The following GSE1 variants were observed in gnomAD, a reference collection of about 807,000 sequenced individuals.
GSE1 encodes the protein Gse1 coiled-coil protein, also known as genetic suppressor element 1.
GSE1 carries 32 observed loss-of-function variants against 112.6 expected under a neutral mutation model. The ratio of observed to expected loss-of-function variants is 0.28; its 90% CI spans 0.21 to 0.38. The LOEUF is 0.38. Ranked by LOEUF, GSE1 falls within the 10% of genes least tolerant of loss-of-function variation. The probability of loss-of-function intolerance (pLI) is 1.00; values close to 1 mark genes in which losing one functional copy is unlikely to be tolerated. For missense variants in GSE1, 2,348 were observed against 1,699.2 expected (o/e 1.38, Z -6.71); for synonymous variants, 1,115 against 735.6 (o/e 1.52, Z -8.35).
At position 85,311,428 on chromosome 16, in the gene GSE1, C is replaced by T. The variant is rs368640320; in HGVS notation, c.2284-46035C>T. Among the ~76,000 whole-genome samples the T allele has an allele frequency of 4.2e-5, 6 of 143,522 alleles. No individual in the cohort carries two copies. The South Asian group carries it at 1.5e-3, about 36-fold the overall frequency. The allele number at this position is 143,522 out of a possible 152,430, so 94.2% of individuals were successfully genotyped here. A position where few individuals can be genotyped will look rare whatever the true frequency, so the allele number is the denominator to read the frequency against. ...AGCAGCATCGGAGGCAACCTGCCCT[C>T]GTGGCACCACAAGAGAGCTGCTGGG... On this transcript the variant is annotated intron_variant, in intron 1 of 2. Transcript: ENST00000637419. The surrounding 1 kb of genome is among the most constrained non-coding windows in gnomAD (Gnocchi z 4.2).
chr16:85,502,465 G>A (rs114137985), intron 2 of GSE1, among the ~76,000 whole-genome samples: 2,167 of 152,306 alleles, frequency 0.014, 52 homozygotes, highest in African/African-American at 0.05. Context: ...GCAGGGAGCA[G>A]TCTGGTTCCA....
At chr16:85,656,219 A>G (rs1598625270) in intron 6 of GSE1, 124 bp from the exon 7 acceptor site, 4 of 1,220,586 alleles carry the variant, frequency 3.3e-6, no homozygotes, top group Non-Finnish European at 4.6e-6. Flanking sequence ...AACCCGGCTC[A>G]CCTCCCGTCA....
chr16:85,288,881 C>T (rs538731743), intron 1 of GSE1, among the ~76,000 whole-genome samples: 86 of 152,266 alleles, frequency 5.6e-4, no homozygotes, highest in African/African-American at 2.1e-3. Flanking sequence ...CCCCTCTTTG[C>T]CAACTGAGAC....
chr16:85,436,961 G>A (rs1410415733), intron 2 of GSE1, among the ~76,000 whole-genome samples: 1 of 152,242 alleles, frequency 6.6e-6, no homozygotes, highest in Non-Finnish European at 1.5e-5. Context: ...TGGGGATGGG[G>A]AGGGGAGGTT....
At chr16:85,441,324 C>T (rs970486891) in intron 2 of GSE1, among the ~76,000 whole-genome samples, 4 of 152,140 alleles carry the variant, frequency 2.6e-5, no homozygotes, top group African/African-American at 7.2e-5. Context: ...ACAGTCACCT[C>T]CTAGTTGAGA....
rs192562954 is a variant in GSE1, at chr16:85,262,611, G to T, written c.2283+90804G>T. Among the ~76,000 whole-genome samples, 38 of 152,364 alleles carry T rather than the reference G, an allele frequency of 2.5e-4. No homozygotes were observed. In the East Asian group the frequency reaches 7.1e-3, roughly 29 times the overall value. Reference sequence around the variant, plus strand: ...TCAGCAGGAGAAGGACGCAAGGCCAGAACGCCTGATCCCTAGAGCCTGAAT... The same window carrying T: ...TCAGCAGGAGAAGGACGCAAGGCCATAACGCCTGATCCCTAGAGCCTGAAT... On this transcript the variant is annotated intron_variant, in intron 1 of 2. Coordinates refer to the GSE1 transcript ENST00000637419.
At chr16:85,529,475 C>G (rs1315755673) in intron 2 of GSE1, among the ~76,000 whole-genome samples, 1 of 152,226 alleles carries the variant, frequency 6.6e-6, no homozygotes, top group African/African-American at 2.4e-5. Context: ...CCCCAGAGTT[C>G]CAGCTTCTCT....
chr16:85,616,200 C>T (rs1273677654), intron 1 of GSE1, among the ~76,000 whole-genome samples: 1 of 152,228 alleles, frequency 6.6e-6, no homozygotes, highest in Non-Finnish European at 1.5e-5. Flanking sequence ...TCCCAAATTC[C>T]CCTTGAGCCC....
intron 2 of GSE1, among the ~76,000 whole-genome samples, chr16:85,481,940 A>G (rs748138633): frequency 6.6e-6 from 1 of 152,228 alleles, no homozygotes; most frequent in African/African-American, 2.4e-5. Context: ...CCGACGGACC[A>G]TACCGGCCTG....
At chr16:85,672,348 A>G (rs1384824995) in intron 15 of GSE1, 57 bp from the exon 16 acceptor site, 2 of 1,392,080 alleles carry the variant, frequency 1.4e-6, no homozygotes, top group Non-Finnish European at 1.0e-6. Flanking sequence ...TGTACTCTAC[A>G]TGCTTGTCCT....
rs988288747 is a variant in GSE1 at position 85,257,429 on chromosome 16, C to T, written c.2283+85622C>T. On this transcript the variant is annotated intron_variant, in intron 1 of 2. Transcript: ENST00000637419. The stretch of plus-strand genomic sequence containing the variant: ...CTCAGCAATGTTCTGCATTTTCTAC[C>T]ATATTTCCCCAGGAGCTCATTCCCT... 4.6e-5 allele frequency among the ~76,000 whole-genome samples: 7 copies of T among 152,300 alleles called. No individual in the cohort carries two copies. The East Asian group carries it at 5.8e-4, about 13-fold the overall frequency.
intron 1 of GSE1, among the ~76,000 whole-genome samples, chr16:85,181,648 G>T (rs886544002): frequency 3.3e-5 from 5 of 152,368 alleles, no homozygotes; most frequent in Middle Eastern, 3.4e-3. Context: ...CCCGCTTCGG[G>T]TGGGAAGGTT....
chr16:85,291,444 C>T (rs903266704), intron 1 of GSE1, among the ~76,000 whole-genome samples: 1 of 152,222 alleles, frequency 6.6e-6, no homozygotes, highest in Admixed American at 6.5e-5. Context: ...TGCTACCACC[C>T]TCGGAGGGGA....
chr16:85,184,273 T>C (rs2074655031), intron 1 of GSE1, among the ~76,000 whole-genome samples: 1 of 152,246 alleles, frequency 6.6e-6, no homozygotes, highest in African/African-American at 2.4e-5. Context: ...AACCAATGCC[T>C]GTGGCTCCCC....
At chr16:85,572,460 ACAC>A (rs897195180) in intron 1 of GSE1, among the ~76,000 whole-genome samples, 11 of 108,900 alleles carry the variant, frequency 1.0e-4, no homozygotes, top group Non-Finnish European at 2.3e-4. Flanking sequence ...CATACCACAC[ACAC>A]AACACACATC....
intron 2 of GSE1, among the ~76,000 whole-genome samples, chr16:85,417,576 C>T (rs75846563): frequency 7.2e-4 from 109 of 152,350 alleles, no homozygotes; most frequent in African/African-American, 2.6e-3. Flanking sequence ...GTGTCTGCAT[C>T]AGCGGGTTAG....
chr16:85,265,769 G>A (rs919893482), intron 1 of GSE1, among the ~76,000 whole-genome samples: 6 of 152,134 alleles, frequency 3.9e-5, no homozygotes, highest in South Asian at 2.1e-4. Context: ...TGGGGTGCCC[G>A]AACATCCCAT....
chr16:85,365,356 T>G (rs2151587260), intron 2 of GSE1, among the ~76,000 whole-genome samples: 1 of 152,324 alleles, frequency 6.6e-6, no homozygotes, highest in Non-Finnish European at 1.5e-5. Context: ...GACGCACCAC[T>G]CCTTCACTCC....
At position 85,675,085 on chromosome 16, in the gene GSE1, G is replaced by T. The variant is rs760352078; in HGVS notation, c.*2546G>T. On this transcript the variant is annotated 3_prime_UTR_variant, in exon 16 of 16. Coordinates refer to ENST00000253458, the MANE Select transcript of GSE1 (RefSeq NM_014615.5). ...TTCATACTTTGAAAACTTACTTTCA[G>T]ATTATTCTCAAAGAACACAGTAGCA... 1 of 152,256 alleles carries T rather than the reference G, an allele frequency of 6.6e-6. No homozygotes were observed. The highest frequency in any genetic ancestry group is 1.5e-5 in the Non-Finnish European group (1 of 68,028). The allele number at this position is 152,256 out of a possible 1,614,324, so 9.4% of individuals were successfully genotyped here.
Sources: allele counts gnomAD v4.1 joint callset (sites outside exome capture counted in the v4.1 genomes callset), GRCh38; gene constraint gnomAD v4.1.1; non-coding constraint Gnocchi (gnomAD v3.1); transcripts MANE v1.5; gene names NCBI Gene and HGNC (gene_info 2026-07-23, HGNC 2026-07-21).